MTUS2: variants seen among roughly 807,000 people sequenced by gnomAD.
The protein encoded by MTUS2 is microtubule associated scaffold protein 2, also known as microtubule-associated tumor suppressor candidate 2.
A neutral mutation model predicts 114.1 loss-of-function variants in MTUS2; 40 were observed. The ratio of observed to expected loss-of-function variants is 0.35; its 90% CI spans 0.27 to 0.46. The LOEUF (loss-of-function observed/expected upper bound fraction) is 0.46, where lower values mean the gene tolerates loss of function less well. Among genes scored for constraint, MTUS2 ranks in the 20% least tolerant of loss-of-function variants. MTUS2 has a pLI of 1.00. For synonymous variants in MTUS2, 688 were observed against 672.0 expected, an observed-to-expected ratio of 1.02 and a Z score of -0.37; for missense variants, 1,679 against 1,705.4, an observed-to-expected ratio of 0.98 and a Z score of 0.27.
chr13:28,901,209 A>C (rs576441807), intron 2 of MTUS2, among the ~76,000 whole-genome samples: 5 of 152,228 alleles, frequency 3.3e-5, no homozygotes, highest in Non-Finnish European at 5.9e-5. Context: ...GCTCATTAAA[A>C]AAAAATTTTT....
At chr13:28,912,170 T>G (rs1239272996) in intron 2 of MTUS2, among the ~76,000 whole-genome samples, 1 of 152,212 alleles carries the variant, frequency 6.6e-6, no homozygotes, top group East Asian at 1.9e-4. Context: ...TCAACCCATC[T>G]TGAGTTAATT....
chr13:28,957,558 A>G (rs1883129635), intron 2 of MTUS2, among the ~76,000 whole-genome samples: 1 of 152,192 alleles, frequency 6.6e-6, no homozygotes, highest in Admixed American at 6.5e-5. Flanking sequence ...TAGCATTTAC[A>G]TTGTGTTGGG....
intron 5 of MTUS2, among the ~76,000 whole-genome samples, chr13:29,208,380 A>G (rs1400813305): frequency 6.6e-6 from 1 of 151,934 alleles, no homozygotes; most frequent in African/African-American, 2.4e-5. Flanking sequence ...TCAAAGAACA[A>G]GCTTTTTGTT....
At position 29,223,061 on chromosome 13, in the gene MTUS2, C is replaced by T. The variant is rs9550452; in HGVS notation, c.2645-58643C>T. 3.9e-5 allele frequency among the ~76,000 whole-genome samples: 6 copies of T among 152,176 alleles called. No individual in the cohort carries two copies. The South Asian group carries it at 1.2e-3, about 32-fold the overall frequency. On this transcript the variant is annotated intron_variant, in intron 5 of 15. Coordinates refer to ENST00000612955, the MANE Select transcript of MTUS2 (RefSeq NM_001033602.4). Reference sequence around the variant, plus strand: ...TGGACACTGTGGGCACCATGGATGGCAGGTTAATGGCAGCAGGAGGCAGAT... The same window carrying T: ...TGGACACTGTGGGCACCATGGATGGTAGGTTAATGGCAGCAGGAGGCAGAT...
chr13:28,834,017 TTAAAGA>T (rs1487304475), intron 1 of MTUS2, among the ~76,000 whole-genome samples: 2 of 142,896 alleles, frequency 1.4e-5, no homozygotes, highest in East Asian at 1.9e-4. Context: ...TTAAAAGAAA[TTAAAGA>T]TAATGTACGT....
chr13:29,019,526 C>G (rs569366793), intron 2 of MTUS2, among the ~76,000 whole-genome samples: 2 of 152,292 alleles, frequency 1.3e-5, no homozygotes, highest in South Asian at 2.1e-4. Context: ...GCATTGAGAC[C>G]AGCAAGGTGA....
intron 2 of MTUS2, among the ~76,000 whole-genome samples, chr13:29,002,935 T>C (rs1025347407): frequency 6.6e-6 from 1 of 152,194 alleles, no homozygotes; most frequent in African/African-American, 2.4e-5. Context: ...ACTTTAGCAG[T>C]GGATAAATTC....
intron 2 of MTUS2, among the ~76,000 whole-genome samples, chr13:28,858,367 T>C (rs563919302): frequency 1.3e-5 from 2 of 152,200 alleles, no homozygotes; most frequent in Non-Finnish European, 2.9e-5. Flanking sequence ...GAGAAAACTA[T>C]ATTAATTGCA....
chr13:28,966,107 A>C (rs1173332995), intron 2 of MTUS2, among the ~76,000 whole-genome samples: 1 of 152,230 alleles, frequency 6.6e-6, no homozygotes, highest in African/African-American at 2.4e-5. Context: ...ACCAAATAAT[A>C]ATAGTGAAAT....
At chr13:28,995,970 T>G (rs963421815) in intron 2 of MTUS2, among the ~76,000 whole-genome samples, 1 of 152,164 alleles carries the variant, frequency 6.6e-6, no homozygotes, top group African/African-American at 2.4e-5. Flanking sequence ...TCCCTGTCTT[T>G]TGCCACTTTT....
intron 4 of MTUS2, among the ~76,000 whole-genome samples, chr13:29,098,092 T>G (rs969847155): frequency 6.6e-6 from 1 of 152,156 alleles, no homozygotes; most frequent in Non-Finnish European, 1.5e-5. Context: ...CTGACGTGAT[T>G]GTTTAAAAAG....
chr13:29,502,562 C>T (rs1882980296), intron 15 of MTUS2, among the ~76,000 whole-genome samples: 1 of 152,228 alleles, frequency 6.6e-6, no homozygotes, highest in African/African-American at 2.4e-5. Flanking sequence ...AGAAGGCACC[C>T]CCAGCTTCCT....
At chr13:29,022,660 G>A (rs1886341945) in intron 2 of MTUS2, among the ~76,000 whole-genome samples, 1 of 152,188 alleles carries the variant, frequency 6.6e-6, no homozygotes, top group South Asian at 2.1e-4. Flanking sequence ...AGTGTGGAAG[G>A]CTTCAAGTCT....
intron 8 of MTUS2, among the ~76,000 whole-genome samples, chr13:29,373,576 C>T (rs1222436731): frequency 6.6e-6 from 1 of 152,224 alleles, no homozygotes; most frequent in African/African-American, 2.4e-5. Flanking sequence ...GAGAATTGAA[C>T]TACAGAGCAA....
chr13:29,183,704 G>T (rs901737088), intron 5 of MTUS2, among the ~76,000 whole-genome samples: 2 of 152,152 alleles, frequency 1.3e-5, no homozygotes, highest in Non-Finnish European at 2.9e-5. Context: ...TGAAGTTGGA[G>T]GGAAACTAGA....
At position 29,232,302 on chromosome 13, in the gene MTUS2, G is replaced by A. The variant is rs2871178; in HGVS notation, c.2645-49402G>A. On this transcript the variant is annotated intron_variant, in intron 5 of 15. Coordinates refer to ENST00000612955, the MANE Select transcript of MTUS2 (RefSeq NM_001033602.4). Reference sequence around the variant, plus strand: ...TACACACACACACACACACACGCGCGCGCGCACACACACACACACACGCAC... The same window carrying A: ...TACACACACACACACACACACGCGCACGCGCACACACACACACACACGCAC... Among the ~76,000 whole-genome samples, 38 of 5,286 alleles carry A rather than the reference G, an allele frequency of 7.2e-3. 1 individual carries two copies. In the East Asian group the frequency reaches 0.081, roughly 11 times the overall value. 3.5% of individuals were successfully genotyped at this position (5,286 alleles called of 152,430 possible).
At chr13:29,173,772 C>T (rs963373620) in intron 5 of MTUS2, among the ~76,000 whole-genome samples, 1 of 151,954 alleles carries the variant, frequency 6.6e-6, no homozygotes, top group Non-Finnish European at 1.5e-5. Context: ...TATTTTGTAC[C>T]TTAAATAAAC....
chr13:29,064,897 G>A (rs1888594750), intron 4 of MTUS2, among the ~76,000 whole-genome samples: 1 of 152,180 alleles, frequency 6.6e-6, no homozygotes, highest in South Asian at 2.1e-4. Context: ...CTGTTGCTGT[G>A]TTAGTTTGCT....
At position 29,026,070 on chromosome 13, in the gene MTUS2, C is replaced by T. The variant is rs749995121; in HGVS notation, c.1372C>T (p.Arg458Trp). ...CTTGGATGTCATTGAGGAGGAAAGGCGGTTGGGCAGTGGGAATAAGGACAG... is the reference window on the plus strand; with the variant it reads ...CTTGGATGTCATTGAGGAGGAAAGGTGGTTGGGCAGTGGGAATAAGGACAG... ...KPLDVIEEER[R>W]LGSGNKDSVM... Residue 458 changes from arginine (R) to tryptophan (W), a missense_variant, in exon 3 of 16, where the codon CGG (arginine) becomes TGG (tryptophan). Around this residue, in one of 3 missense-constraint regions of MTUS2, gnomAD observed 843 missense variants for 770.8 expected, o/e 1.09. Transcript: ENST00000612955. The T allele has an allele frequency of 1.7e-5, 28 of 1,613,776 alleles. No individual in the cohort carries two copies. The highest frequency in any genetic ancestry group is 2.7e-5 in the African/African-American group (2 of 74,892).
Sources: allele counts gnomAD v4.1 joint callset (sites outside exome capture counted in the v4.1 genomes callset), GRCh38; gene constraint gnomAD v4.1.1; regional missense constraint gnomAD v4.1.1; transcripts MANE v1.5; gene names NCBI Gene and HGNC (gene_info 2026-07-23, HGNC 2026-07-21).